The following CDK14 variants were observed in gnomAD, a reference collection of about 807,000 sequenced individuals.
The protein encoded by CDK14 is cyclin dependent kinase 14.
A neutral mutation model predicts 60.7 loss-of-function variants in CDK14; 34 were observed. That is an observed-to-expected ratio of 0.56 (90% CI 0.43 to 0.75). The LOEUF (loss-of-function observed/expected upper bound fraction) is 0.75, where lower values mean the gene tolerates loss of function less well. Ranked by LOEUF, CDK14 falls within the 30% of genes least tolerant of loss-of-function variation. CDK14 has a pLI of 0.00. For missense variants in CDK14, 482 were observed against 564.1 expected (o/e 0.85, Z 1.47); for synonymous variants, 197 against 203.7 (o/e 0.97, Z 0.28).
chr7:90,958,486 T>A (rs1008081178), intron 9 of CDK14, among the ~76,000 whole-genome samples: 7 of 152,172 alleles, frequency 4.6e-5, no homozygotes, highest in African/African-American at 1.7e-4. Context: ...ATTAAGGGGC[T>A]GAGCTAATCT....
At chr7:90,796,704 G>T (rs1442584986) in intron 5 of CDK14, among the ~76,000 whole-genome samples, 1 of 150,386 alleles carries the variant, frequency 6.6e-6, no homozygotes, top group Non-Finnish European at 1.5e-5. Flanking sequence ...TTTCAACAGG[G>T]TCATTACTGA....
intron 5 of CDK14, among the ~76,000 whole-genome samples, chr7:90,812,728 C>T (rs569421641): frequency 3.9e-5 from 6 of 152,268 alleles, no homozygotes; most frequent in South Asian, 2.1e-4. Context: ...TATTACTGCA[C>T]ACCCAGTATA....
At chr7:91,019,460 C>T (rs1202411249) in intron 10 of CDK14, among the ~76,000 whole-genome samples, 3 of 152,134 alleles carry the variant, frequency 2.0e-5, no homozygotes, top group Non-Finnish European at 4.4e-5. Context: ...CTCCAGGCTA[C>T]AAAAATTCAA....
chr7:91,039,022 A>T lies in CDK14; in HGVS notation c.1042-6875A>T, dbSNP rs563248217. Reference sequence around the variant, plus strand: ...GGGTGTTCCCAGAAGACAACACCAGATCACTTAGAGTTGGCACACACACAT... The same window carrying T: ...GGGTGTTCCCAGAAGACAACACCAGTTCACTTAGAGTTGGCACACACACAT... On this transcript the variant is annotated intron_variant, in intron 10 of 14. Transcript: ENST00000380050. Among the ~76,000 whole-genome samples, 3 of 152,310 alleles carry T rather than the reference A, an allele frequency of 2.0e-5. No homozygotes were observed. The East Asian group carries it at 5.8e-4, about 29-fold the overall frequency.
intron 5 of CDK14, among the ~76,000 whole-genome samples, chr7:90,856,356 A>G (rs12669826): frequency 6.6e-5 from 10 of 152,250 alleles, no homozygotes; most frequent in South Asian, 4.1e-4. Flanking sequence ...ATTTAATTCT[A>G]TTTTTTAGCC....
At chr7:90,698,244 TAA>T in intron 2 of CDK14, among the ~76,000 whole-genome samples, 1 of 152,296 alleles carries the variant, frequency 6.6e-6, no homozygotes, top group South Asian at 2.1e-4. Flanking sequence ...CTACATTTTA[TAA>T]GTGTTTACAT....
chr7:90,694,548 G>T (rs536190281), intron 2 of CDK14, among the ~76,000 whole-genome samples: 4 of 151,980 alleles, frequency 2.6e-5, no homozygotes, highest in Non-Finnish European at 5.9e-5. Flanking sequence ...GTTTGTATTG[G>T]ATAAAATATT....
At chr7:90,753,675 A>G (rs556373531) in intron 4 of CDK14, among the ~76,000 whole-genome samples, 1 of 152,272 alleles carries the variant, frequency 6.6e-6, no homozygotes, top group African/African-American at 2.4e-5. Flanking sequence ...AGGCATCCAA[A>G]TAAGAAATCA....
Position 90,700,327 on chromosome 7 carries a change from C to T in CDK14, c.124-26240C>T, listed in dbSNP as rs564333571. Among the ~76,000 whole-genome samples, 230 of 152,188 alleles carry T rather than the reference C, an allele frequency of 1.5e-3. 1 individual carries two copies. The highest frequency in any genetic ancestry group is 5.4e-3 in the African/African-American group (226 of 41,534). ...CAGGATGATCTCAATCTCTTGACCT[C>T]GCAGTCCGGCCACCTTGGCCTCCCA... On this transcript the variant is annotated intron_variant, in intron 2 of 14. Coordinates refer to ENST00000380050, the MANE Select transcript of CDK14 (RefSeq NM_001287135.2).
At chr7:90,941,609 C>T (rs1266117944) in intron 8 of CDK14, among the ~76,000 whole-genome samples, 1 of 149,940 alleles carries the variant, frequency 6.7e-6, no homozygotes, top group African/African-American at 2.4e-5. Context: ...CTGCCAAACC[C>T]AGCTATTTTT....
intron 5 of CDK14, among the ~76,000 whole-genome samples, chr7:90,812,406 T>A (rs6961217): frequency 2.0e-4 from 30 of 151,980 alleles, no homozygotes; most frequent in African/African-American, 7.2e-4. Context: ...TCATAGGTGG[T>A]AATTGAACAA....
chr7:91,072,230 G>A (rs367821821), intron 11 of CDK14, among the ~76,000 whole-genome samples: 3 of 152,122 alleles, frequency 2.0e-5, no homozygotes, highest in Admixed American at 6.5e-5. Flanking sequence ...CCCTCTTAAC[G>A]GGTTGTCAGA....
intron 4 of CDK14, among the ~76,000 whole-genome samples, chr7:90,753,715 TG>T (rs1803940699): frequency 6.6e-6 from 1 of 152,170 alleles, no homozygotes; most frequent in Non-Finnish European, 1.5e-5. Flanking sequence ...GCTGACAATA[TG>T]ATTCTATACA....
chr7:91,061,455 C>T (rs937963975), intron 11 of CDK14, among the ~76,000 whole-genome samples: 1 of 152,208 alleles, frequency 6.6e-6, no homozygotes, highest in Admixed American at 6.5e-5. Context: ...AACTGCGTTC[C>T]TTTGGAGGAG....
intron 6 of CDK14, among the ~76,000 whole-genome samples, chr7:90,864,947 T>C (rs73401850): frequency 0.02 from 3,020 of 151,990 alleles, 96 homozygotes; most frequent in African/African-American, 0.068. Flanking sequence ...CTCCATGGAG[T>C]TCGTACATCA....
intron 8 of CDK14, among the ~76,000 whole-genome samples, chr7:90,927,282 G>C (rs1423731904): frequency 6.6e-6 from 1 of 152,054 alleles, no homozygotes; most frequent in African/African-American, 2.4e-5. Context: ...CTATCTAGGG[G>C]CCTGTAGCCA....
intron 2 of CDK14, among the ~76,000 whole-genome samples, chr7:90,681,004 A>C (rs1801303533): frequency 6.6e-6 from 1 of 152,230 alleles, no homozygotes; most frequent in Admixed American, 6.5e-5. Flanking sequence ...GACAGATAGT[A>C]CATTGTGGAG....
At position 90,928,142 on chromosome 7, in the gene CDK14, CT is replaced by C. The variant is rs1793478540; in HGVS notation, c.826+10421del. ...ATCTTTTTTTCAAGGTTTTTAGCTT[CT>C]TTGCGATGGGTTTAAACATCCTCCT... On this transcript the variant is annotated intron_variant, in intron 8 of 14. Transcript: ENST00000380050. 6.6e-5 allele frequency among the ~76,000 whole-genome samples: 10 copies of C among 152,220 alleles called. No individual in the cohort carries two copies. In the South Asian group the frequency reaches 2.1e-3, roughly 32 times the overall value.
At chr7:91,183,519 T>G (rs150692062) in intron 14 of CDK14, among the ~76,000 whole-genome samples, 45 of 152,310 alleles carry the variant, frequency 3.0e-4, no homozygotes, top group African/African-American at 1.0e-3. Flanking sequence ...CTTTATTCTC[T>G]CATCTCATGC....
Sources: allele counts gnomAD v4.1 joint callset (sites outside exome capture counted in the v4.1 genomes callset), GRCh38; gene constraint gnomAD v4.1.1; transcripts MANE v1.5; gene names NCBI Gene and HGNC (gene_info 2026-07-23, HGNC 2026-07-21).